Variants in TCF7L2 observed in about 807,000 individuals in gnomAD.
The protein encoded by TCF7L2 is transcription factor 7-like 2.
TCF7L2 carries 23 observed loss-of-function variants against 77.9 expected under a neutral mutation model. That is an observed-to-expected ratio of 0.30 (90% CI 0.21 to 0.42). TCF7L2 has a LOEUF of 0.42. Ranked by LOEUF, TCF7L2 falls within the 10% of genes least tolerant of loss-of-function variation. The pLI, the probability that TCF7L2 is intolerant of heterozygous loss-of-function variation, is 1.00. For missense variants in TCF7L2, 654 were observed against 793.1 expected (o/e 0.82, Z 2.11); for synonymous variants, 413 against 340.2 (o/e 1.21, Z -2.36).
chr10:113,159,752 A>G (rs1376485646), intron 12 of TCF7L2, among the ~76,000 whole-genome samples, 168 bp from the exon 14 acceptor site: 1 of 151,630 alleles, frequency 6.6e-6, no homozygotes, highest in South Asian at 2.1e-4. Context: ...ACGAAAGTCA[A>G]TATTTTGCAA....
At chr10:113,109,708 AGATATTATGAAAGGC>A (rs1489335491) in intron 5 of TCF7L2, among the ~76,000 whole-genome samples, 1 of 152,196 alleles carries the variant, frequency 6.6e-6, no homozygotes, top group East Asian at 1.9e-4. Context: ...GATTTAAGTG[AGATATTATGAAAGGC>A]TGGTGGATGT....
chr10:113,061,979 C>T (rs1276542174), intron 5 of TCF7L2, among the ~76,000 whole-genome samples: 2 of 152,170 alleles, frequency 1.3e-5, no homozygotes, highest in Non-Finnish European at 2.9e-5. Flanking sequence ...CACCGTCATT[C>T]TACATCTGTT....
intron 4 of TCF7L2, among the ~76,000 whole-genome samples, chr10:112,993,523 A>G (rs2135512678): frequency 6.6e-6 from 1 of 152,116 alleles, no homozygotes; most frequent in South Asian, 2.1e-4. Context: ...GAAAAAAAAA[A>G]GAAAATGCTT....
intron 4 of TCF7L2, among the ~76,000 whole-genome samples, chr10:112,985,001 G>A (rs1054893379): frequency 6.6e-6 from 1 of 152,156 alleles, no homozygotes; most frequent in Non-Finnish European, 1.5e-5. Flanking sequence ...CTGTGGGACC[G>A]CCCTGAGCCT....
intron 13 of TCF7L2, chr10:113,161,274 C>G: frequency 2.3e-6 from 1 of 426,424 alleles, no homozygotes; most frequent in Admixed American, 3.9e-5. Context: ...CGGCATGCAC[C>G]AGCTAAAGGG....
chr10:113,151,021 C>A lies in TCF7L2; in HGVS notation c.899C>A (p.Pro300Gln), dbSNP rs919950817. 8 of 1,613,960 alleles carry A rather than the reference C, an allele frequency of 5.0e-6. No homozygotes were observed. Among genetic ancestry groups the A allele is most frequent in the African/African-American group, 1.3e-5 (1 of 74,872 alleles). ...AGGTTCCCTCCCCATATGGTCCCACCACATCATACGCTACACACGACGGGC... is the reference window on the plus strand; with the variant it reads ...AGGTTCCCTCCCCATATGGTCCCACAACATCATACGCTACACACGACGGGC... The change falls in exon 9 of 14, where the codon CCA becomes CAA. Residue 300 changes from proline to glutamine, a missense_variant. By Grantham distance (76) the Pro-to-Gln change is moderately conservative. Coordinates refer to ENST00000627217, the MANE Select transcript of TCF7L2 (RefSeq NM_001146274.2). This position sits in a 1 kb window ranked among gnomAD's most constrained non-coding sequence, Gnocchi z 5.2.
At chr10:113,141,485 G>A (rs1255878066) in intron 6 of TCF7L2, among the ~76,000 whole-genome samples, 169 bp downstream of exon 6, 3 of 152,204 alleles carry the variant, frequency 2.0e-5, no homozygotes, top group Non-Finnish European at 2.9e-5. Flanking sequence ...GCTCTTTGGG[G>A]TGGTTGAGGC....
chr10:113,027,404 T>G (rs117564240), intron 4 of TCF7L2, among the ~76,000 whole-genome samples: 4,556 of 152,286 alleles, frequency 0.03, 121 homozygotes, highest in Non-Finnish European at 0.043. Flanking sequence ...AACGATTCTC[T>G]CTCTCCAGGG....
chr10:113,042,807 C>A (rs1258111939), intron 5 of TCF7L2, among the ~76,000 whole-genome samples: 4 of 152,174 alleles, frequency 2.6e-5, no homozygotes, highest in African/African-American at 9.7e-5. Context: ...ACCAGCTGTT[C>A]TTTGGCTGGT....
chr10:112,977,475 C>T (rs1158979135), intron 4 of TCF7L2, among the ~76,000 whole-genome samples: 1 of 152,182 alleles, frequency 6.6e-6, no homozygotes, highest in Non-Finnish European at 1.5e-5. Flanking sequence ...TACGGGCCGT[C>T]ATCAAACTAA....
intron 5 of TCF7L2, among the ~76,000 whole-genome samples, chr10:113,118,513 T>C (rs1247192553): frequency 1.6e-5 from 1 of 62,266 alleles, no homozygotes. Flanking sequence ...CAACTGGTCA[T>C]CTGGGGGGTG....
At chr10:112,991,061 T>G (rs370848105) in intron 4 of TCF7L2, among the ~76,000 whole-genome samples, 3 of 152,116 alleles carry the variant, frequency 2.0e-5, no homozygotes, top group East Asian at 3.9e-4. Context: ...TCTTGCCAGG[T>G]GGAGTGGACA....
At chr10:113,160,234 A>T (rs1220800466) in intron 12 of TCF7L2, among the ~76,000 whole-genome samples, 1 of 151,698 alleles carries the variant, frequency 6.6e-6, no homozygotes, top group African/African-American at 2.4e-5. Flanking sequence ...AGCAAACCTT[A>T]GCGCGCCCCC....
chr10:113,074,837 C>T (rs2058512790), intron 5 of TCF7L2, among the ~76,000 whole-genome samples: 1 of 152,140 alleles, frequency 6.6e-6, no homozygotes. Context: ...AACAGCTGGG[C>T]AGGGGGTACT....
rs2074067461 is a variant in TCF7L2, at chr10:113,166,955, T to C, written c.*983T>C. 4.3e-6 allele frequency: 1 copy of C among 231,118 alleles called. No homozygotes were observed. The highest frequency in any genetic ancestry group is 8.6e-6 in the Non-Finnish European group (1 of 116,822). 14.3% of individuals were successfully genotyped at this position (231,118 alleles called of 1,614,324 possible). A position where few individuals can be genotyped will look rare whatever the true frequency, so the allele number is the denominator to read the frequency against. On this transcript the variant is annotated 3_prime_UTR_variant, in exon 14 of 14. Transcript: ENST00000627217. Reference sequence around the variant, plus strand: ...AGACTTGAAAATGAGTGAGGGAATTTTAGCGACACTGTCTGAGCAGCAGTG... The same window carrying C: ...AGACTTGAAAATGAGTGAGGGAATTCTAGCGACACTGTCTGAGCAGCAGTG...
intron 5 of TCF7L2, among the ~76,000 whole-genome samples, chr10:113,093,293 T>C (rs2060591440): frequency 6.6e-6 from 1 of 152,128 alleles, no homozygotes; most frequent in Admixed American, 6.5e-5. Context: ...GAGAAAGCAA[T>C]ATCCATAAGA....
chr10:113,036,387 C>T (rs557292446), intron 4 of TCF7L2, among the ~76,000 whole-genome samples: 3 of 152,180 alleles, frequency 2.0e-5, no homozygotes, highest in South Asian at 4.1e-4. Flanking sequence ...CCTCATTTGC[C>T]TTTTCTCCCT....
At chr10:113,150,464 A>G (rs2070511328) in intron 8 of TCF7L2, among the ~76,000 whole-genome samples, 1 of 152,330 alleles carries the variant, frequency 6.6e-6, no homozygotes, top group East Asian at 1.9e-4. Flanking sequence ...GATGGGACAC[A>G]GCACAAAAGA....
chr10:113,085,637 G>C (rs2059761334), intron 5 of TCF7L2, among the ~76,000 whole-genome samples: 1 of 152,156 alleles, frequency 6.6e-6, no homozygotes, highest in African/African-American at 2.4e-5. Flanking sequence ...TTTATGGGTG[G>C]CATACCTTGA....
Sources: gnomAD v4.1 joint callset for allele counts (sites outside exome capture counted in the v4.1 genomes callset) on GRCh38, gnomAD v4.1.1 for gene constraint, Gnocchi (gnomAD v3.1) non-coding constraint, MANE v1.5 for transcripts, NCBI Gene and HGNC (gene_info 2026-07-23, HGNC 2026-07-21) for gene names.